SYNE1: variants seen among roughly 807,000 people sequenced by gnomAD.
SYNE1 encodes spectrin repeat containing nuclear envelope protein 1, also known as nesprin-1.
In SYNE1, 616 loss-of-function variants were observed where a neutral mutation model predicts 1,111.0. The ratio of observed to expected loss-of-function variants is 0.55; its 90% CI spans 0.52 to 0.59. The LOEUF (loss-of-function observed/expected upper bound fraction) is 0.59. Among genes scored for constraint, SYNE1 ranks in the 20% least tolerant of loss-of-function variants. The pLI is 0.00. For missense variants in SYNE1, 10,006 were observed against 10,417.0 expected, an observed-to-expected ratio of 0.96 and a Z score of 1.72; for synonymous variants, 3,855 against 3,825.8, an observed-to-expected ratio of 1.01 and a Z score of -0.28.
At chr6:152,635,359 A>G (rs2099704367) in intron 2 of SYNE1, among the ~76,000 whole-genome samples, 1 of 152,218 alleles carries the variant, frequency 6.6e-6, no homozygotes. Context: ...CATGAAACAT[A>G]TTAAGTTAGT....
intron 25 of SYNE1, 26 bp downstream of exon 25, chr6:152,453,560 G>A (rs145050404): frequency 9.9e-6 from 16 of 1,614,146 alleles, no homozygotes; most frequent in Non-Finnish European, 1.3e-5. Flanking sequence ...GAGGATGCAC[G>A]GTGTCTCCGT....
intron 93 of SYNE1, among the ~76,000 whole-genome samples, chr6:152,298,740 C>T (rs1226236691): frequency 3.3e-5 from 5 of 152,086 alleles, no homozygotes; most frequent in African/African-American, 4.8e-5. Flanking sequence ...AGTGCATCAC[C>T]GGTCATGGTG....
chr6:152,350,009 A>G (rs527983288), intron 72 of SYNE1, among the ~76,000 whole-genome samples, 159 bp downstream of exon 72: 1 of 152,310 alleles, frequency 6.6e-6, no homozygotes, highest in East Asian at 1.9e-4. Context: ...CAGCCATGTG[A>G]AAACGGACTA....
At chr6:152,168,112 C>T (rs1387769575) in intron 130 of SYNE1, 1 of 780,334 alleles carries the variant, frequency 1.3e-6, no homozygotes, top group Non-Finnish European at 2.4e-6. Context: ...AAGATGCCTG[C>T]CTTGTGACAT....
chr6:152,279,650 A>T (rs1235331555), intron 97 of SYNE1, among the ~76,000 whole-genome samples: 1 of 151,568 alleles, frequency 6.6e-6, no homozygotes, highest in Non-Finnish European at 1.5e-5. Flanking sequence ...CCAGGAAGTC[A>T]AGGCTGCAGT....
At chr6:152,435,660 C>A (rs1321388596) in intron 33 of SYNE1, 6 of 474,374 alleles carry the variant, frequency 1.3e-5, no homozygotes, top group Non-Finnish European at 2.2e-5. Flanking sequence ...ATTCCCTCTA[C>A]AATGTACAAA....
chr6:152,233,992 G>A, intron 111 of SYNE1, 29 bp from the exon 112 acceptor site: 9 of 1,609,798 alleles, frequency 5.6e-6, no homozygotes, highest in Non-Finnish European at 7.6e-6. Context: ...TTCAAATTAG[G>A]GTTAAATAGC....
intron 105 of SYNE1, among the ~76,000 whole-genome samples, chr6:152,247,612 C>G (rs1420014157): frequency 6.6e-6 from 1 of 151,028 alleles, no homozygotes; most frequent in Non-Finnish European, 1.5e-5. Flanking sequence ...CACCGGTAAT[C>G]CCAACACTTT....
chr6:152,343,598 G>A (rs9371590), intron 74 of SYNE1, among the ~76,000 whole-genome samples: 11,018 of 150,578 alleles, frequency 0.073, 535 homozygotes, highest in East Asian at 0.18. Flanking sequence ...GCATGATCTC[G>A]GCTCACTGCA....
At chr6:152,145,601 C>G in intron 137 of SYNE1, 1 of 1,534,078 alleles carries the variant, frequency 6.5e-7, no homozygotes, top group Non-Finnish European at 9.0e-7. Flanking sequence ...TTCTGGAAAC[C>G]CTGAATCCCT....
At position 152,323,708 on chromosome 6, in the gene SYNE1, C is replaced by T. The variant is rs901699549; in HGVS notation, c.15687G>A (p.Gln5229=). 1 of 1,614,068 alleles carries T rather than the reference C, an allele frequency of 6.2e-7. No individual in the cohort carries two copies. The highest frequency in any genetic ancestry group is 8.5e-7 in the Non-Finnish European group (1 of 1,180,032). ...KVKKATEMID[Q]LQDKLPGSSA... Reference sequence around the variant, plus strand: ...AACTTCCAGGTAACTTATCTTGCAGCTGATCAATCATTTCAGTGGCCTTTT... The same window carrying T: ...AACTTCCAGGTAACTTATCTTGCAGTTGATCAATCATTTCAGTGGCCTTTT... The change falls in exon 82 of 146, where the codon CAG becomes CAA. Residue 5229 remains glutamine (Q), a synonymous_variant. Transcript: ENST00000367255.
intron 75 of SYNE1, 117 bp from the exon 76 acceptor site, chr6:152,337,134 C>A (rs185747921): frequency 3.3e-6 from 3 of 913,598 alleles, no homozygotes; most frequent in Non-Finnish European, 5.1e-6. Context: ...CACATACACA[C>A]GCAAACTCAC....
chr6:152,148,181 G>T lies in SYNE1; in HGVS notation c.24840C>A (p.Ser8280=). 1 of 1,614,200 alleles carries T rather than the reference G, an allele frequency of 6.2e-7. No homozygotes were observed. Among genetic ancestry groups the T allele is most frequent in the African/African-American group, 1.3e-5 (1 of 75,054 alleles). Residue 8280 remains serine (S), a synonymous_variant, in exon 137 of 146, where the codon TCC becomes TCA. Coordinates refer to ENST00000367255, the MANE Select transcript of SYNE1 (RefSeq NM_182961.4). This position sits in a 1 kb window ranked among gnomAD's most constrained non-coding sequence, Gnocchi z 4.1. ...SGRDTPASVD[S]IPLEWDHDYD... is the part of the protein sequence containing the mutation. ...AGTCGTGATCCCACTCCAGGGGGATGGAGTCCACACTAGCCGGGGTGTCTC... is the reference window on the plus strand; with the variant it reads ...AGTCGTGATCCCACTCCAGGGGGATTGAGTCCACACTAGCCGGGGTGTCTC...
intron 9 of SYNE1, among the ~76,000 whole-genome samples, chr6:152,504,911 C>A (rs1023358138): frequency 6.6e-6 from 1 of 152,162 alleles, no homozygotes; most frequent in African/African-American, 2.4e-5. Flanking sequence ...ACCCCTCATA[C>A]ACACACTTCT....
chr6:152,439,339 T>C (rs185315473), intron 32 of SYNE1, among the ~76,000 whole-genome samples: 1 of 152,168 alleles, frequency 6.6e-6, no homozygotes, highest in African/African-American at 2.4e-5. Context: ...ATTAACCCAA[T>C]AAACATCTTT....
chr6:152,535,363 G>T (rs2099229787), intron 4 of SYNE1, among the ~76,000 whole-genome samples: 1 of 152,130 alleles, frequency 6.6e-6, no homozygotes, highest in Non-Finnish European at 1.5e-5. Context: ...TTTCTGAAAA[G>T]TGAGAAGATG....
At chr6:152,533,561 A>T (rs1344743146) in intron 4 of SYNE1, among the ~76,000 whole-genome samples, 1 of 152,124 alleles carries the variant, frequency 6.6e-6, no homozygotes, top group African/African-American at 2.4e-5. Context: ...TCCAGTATCC[A>T]ACCACCTCTC....
At chr6:152,199,667 C>T (rs575258123) in intron 127 of SYNE1, among the ~76,000 whole-genome samples, 1 of 152,208 alleles carries the variant, frequency 6.6e-6, no homozygotes, top group East Asian at 1.9e-4. Context: ...TTTCATGTGC[C>T]GTTTCCCCTC....
intron 3 of SYNE1, 71 bp from the exon 4 acceptor site, chr6:152,540,092 T>C (rs2099262260): frequency 6.9e-7 from 1 of 1,448,058 alleles, no homozygotes; most frequent in Non-Finnish European, 9.7e-7. Flanking sequence ...AAAAGTCCTA[T>C]TTACACAAAT....
Sources: gnomAD v4.1 joint callset for allele counts (sites outside exome capture counted in the v4.1 genomes callset) on GRCh38, gnomAD v4.1.1 for gene constraint, Gnocchi (gnomAD v3.1) non-coding constraint, MANE v1.5 for transcripts, NCBI Gene and HGNC (gene_info 2026-07-23, HGNC 2026-07-21) for gene names.